Variants in DIAPH3 observed in about 807,000 individuals in gnomAD.
DIAPH3 encodes the protein diaphanous related formin 3.
Under a neutral mutation model 144.3 loss-of-function variants are expected in DIAPH3, and 117 were observed. The observed-to-expected ratio is 0.81, with a 90% CI of 0.70 to 0.95. The LOEUF is 0.95. Ranked by LOEUF, DIAPH3 falls within the 40% of genes least tolerant of loss-of-function variation. The pLI is 0.00. For synonymous variants in DIAPH3, 519 were observed against 488.9 expected, an observed-to-expected ratio of 1.06 and a Z score of -0.81; for missense variants, 1,421 against 1,412.7, an observed-to-expected ratio of 1.01 and a Z score of -0.09.
chr13:59,794,004 AACTGT>A (rs1189723757), intron 25 of DIAPH3, among the ~76,000 whole-genome samples: 8 of 152,188 alleles, frequency 5.3e-5, no homozygotes, highest in Admixed American at 1.3e-4. Flanking sequence ...ATTCAACAGA[AACTGT>A]ACTTGACTAC....
intron 25 of DIAPH3, among the ~76,000 whole-genome samples, chr13:59,778,022 G>C (rs749349317): frequency 1.3e-5 from 2 of 152,128 alleles, no homozygotes; most frequent in Non-Finnish European, 2.9e-5. Flanking sequence ...ACTGTATTAT[G>C]GTTCACTAGA....
intron 17 of DIAPH3, among the ~76,000 whole-genome samples, chr13:59,965,644 CTTTT>C: frequency 6.6e-6 from 1 of 151,788 alleles, no homozygotes; most frequent in African/African-American, 2.4e-5. Flanking sequence ...GATAAACAAT[CTTTT>C]TTTATAACCT....
At chr13:60,035,064 C>T (rs549506788) in intron 5 of DIAPH3, among the ~76,000 whole-genome samples, 23 of 151,782 alleles carry the variant, frequency 1.5e-4, no homozygotes, top group Non-Finnish European at 2.6e-4. Flanking sequence ...TATGTATATA[C>T]GCCATGTATA....
intron 27 of DIAPH3, among the ~76,000 whole-genome samples, chr13:59,703,904 C>T (rs532818332): frequency 6.6e-6 from 1 of 152,300 alleles, no homozygotes; most frequent in South Asian, 2.1e-4. Context: ...TGAGGATTCA[C>T]TTTCTTCTGG....
At chr13:59,683,034 C>A (rs1209827603) in intron 27 of DIAPH3, among the ~76,000 whole-genome samples, 2 of 152,144 alleles carry the variant, frequency 1.3e-5, no homozygotes, top group Non-Finnish European at 2.9e-5. Context: ...CTGCAAGGCA[C>A]AAGATAAAGA....
chr13:59,733,577 A>G (rs2035992266), intron 27 of DIAPH3, among the ~76,000 whole-genome samples: 1 of 152,214 alleles, frequency 6.6e-6, no homozygotes, highest in African/African-American at 2.4e-5. Flanking sequence ...AATATCTAAG[A>G]TAGGAAGGTT....
chr13:59,720,552 T>C (rs756538246), intron 27 of DIAPH3, among the ~76,000 whole-genome samples: 2 of 152,138 alleles, frequency 1.3e-5, no homozygotes, highest in African/African-American at 4.8e-5. Context: ...ACAGGAAACA[T>C]TGTGATCACC....
At chr13:59,705,401 G>T (rs552452137) in intron 27 of DIAPH3, among the ~76,000 whole-genome samples, 2 of 152,270 alleles carry the variant, frequency 1.3e-5, no homozygotes, top group East Asian at 3.9e-4. Flanking sequence ...TGCCTTCAGG[G>T]TCTGTAGCAT....
chr13:60,092,054 T>G (rs1234927595), intron 4 of DIAPH3, among the ~76,000 whole-genome samples: 1 of 152,056 alleles, frequency 6.6e-6, no homozygotes, highest in Admixed American at 6.6e-5. Context: ...TTCTCCAGGC[T>G]GCTCTCAAAC....
chr13:59,699,585 GA>G (rs1345629043), intron 27 of DIAPH3, among the ~76,000 whole-genome samples: 1 of 152,166 alleles, frequency 6.6e-6, no homozygotes, highest in Non-Finnish European at 1.5e-5. Context: ...GGTTTTATCA[GA>G]AAGTGATTTC....
chr13:60,025,154 AT>A (rs1362305084), intron 5 of DIAPH3, among the ~76,000 whole-genome samples: 2 of 151,884 alleles, frequency 1.3e-5, no homozygotes, highest in African/African-American at 4.8e-5. Context: ...TATTGCCAAC[AT>A]TTTCTGTCTT....
intron 27 of DIAPH3, among the ~76,000 whole-genome samples, chr13:59,759,379 T>G (rs2037455769): frequency 6.6e-6 from 1 of 152,124 alleles, no homozygotes; most frequent in Non-Finnish European, 1.5e-5. Flanking sequence ...AAAAAATTAT[T>G]CTCAGAACCC....
At chr13:60,115,315 C>T (rs2058674915) in intron 2 of DIAPH3, among the ~76,000 whole-genome samples, 1 of 152,016 alleles carries the variant, frequency 6.6e-6, no homozygotes, top group South Asian at 2.1e-4. Context: ...TGTATGGGTC[C>T]CATGGTGTTA....
At position 59,936,491 on chromosome 13, in the gene DIAPH3, C is replaced by T. The variant is rs900949738; in HGVS notation, c.2075-11621G>A. ...ACACCATTCAAAATAACAGATGAAA[C>T]AACTTTTTAAATTCACAAGCTGTGG... On this transcript the variant is annotated intron_variant, in intron 17 of 27. Coordinates refer to ENST00000400324, the MANE Select transcript of DIAPH3 (RefSeq NM_001042517.2). Among the ~76,000 whole-genome samples, 10 of 151,998 alleles carry T rather than the reference C, an allele frequency of 6.6e-5. 1 individual carries two copies. The highest frequency in any genetic ancestry group is 1.0e-4 in the Non-Finnish European group (7 of 67,982).
chr13:59,954,724 T>A (rs2049290833), intron 17 of DIAPH3, among the ~76,000 whole-genome samples: 1 of 152,002 alleles, frequency 6.6e-6, no homozygotes, highest in South Asian at 2.1e-4. Context: ...CCTGAGGAAA[T>A]TTATAGTCAC....
chr13:59,982,566 T>C (rs73212284), intron 13 of DIAPH3, among the ~76,000 whole-genome samples: 10,937 of 151,656 alleles, frequency 0.072, 436 homozygotes, highest in Admixed American at 0.11. Flanking sequence ...CCTGCACAGA[T>C]ACATAGCTGA....
chr13:60,133,129 T>C, intron 1 of DIAPH3, 140 bp from the exon 2 acceptor site: 1 of 592,700 alleles, frequency 1.7e-6, no homozygotes, highest in Non-Finnish European at 2.9e-6. Context: ...ACATTATATA[T>C]AATCGTTTTA....
chr13:59,915,254 G>A (rs2047172674), intron 19 of DIAPH3, among the ~76,000 whole-genome samples: 1 of 152,008 alleles, frequency 6.6e-6, no homozygotes, highest in South Asian at 2.1e-4. Context: ...AGCTGAATCA[G>A]GTAGTTTATG....
chr13:59,833,298 A>G (rs781441631), intron 23 of DIAPH3, 27 bp from the exon 24 acceptor site: 1 of 1,576,874 alleles, frequency 6.3e-7, no homozygotes, highest in Non-Finnish European at 8.7e-7. Context: ...GTATTCTGAA[A>G]TTTACAAAGT....
Sources: allele counts gnomAD v4.1 joint callset (sites outside exome capture counted in the v4.1 genomes callset), GRCh38; gene constraint gnomAD v4.1.1; transcripts MANE v1.5; gene names NCBI Gene and HGNC (gene_info 2026-07-23, HGNC 2026-07-21).